Variants in BPTF observed in about 807,000 individuals in gnomAD.
BPTF encodes the protein bromodomain PHD finger transcription factor.
In BPTF, 18 loss-of-function variants were observed where a neutral mutation model predicts 292.5. The ratio of observed to expected loss-of-function variants is 0.06; its 90% CI spans 0.04 to 0.09. The LOEUF (loss-of-function observed/expected upper bound fraction) is 0.09, where lower values mean the gene tolerates loss of function less well. Among genes scored for constraint, BPTF ranks in the 10% least tolerant of loss-of-function variants. The pLI is 1.00. For missense variants in BPTF, 2,726 were observed against 3,498.7 expected (o/e 0.78, Z 5.57); for synonymous variants, 1,225 against 1,251.9 (o/e 0.98, Z 0.45).
chr17:67,951,462 A>G (rs782528228), intron 23 of BPTF: 1 of 152,164 alleles, frequency 6.6e-6, no homozygotes, highest in Non-Finnish European at 1.5e-5. Context: ...GGCCTCTTGA[A>G]CAAGCCAGTT....
chr17:67,865,304 T>C (rs1004029299), intron 2 of BPTF, among the ~76,000 whole-genome samples: 7 of 152,244 alleles, frequency 4.6e-5, no homozygotes, highest in Non-Finnish European at 1.5e-5. Context: ...GAATGACTTA[T>C]TCCTGGAATG....
intron 9 of BPTF, 59 bp from the exon 10 acceptor site, chr17:67,909,523 A>C (rs1187629752): frequency 1.8e-6 from 2 of 1,096,626 alleles, no homozygotes; most frequent in Non-Finnish European, 1.3e-6. Context: ...TAAACTTGAC[A>C]TATTAAAGTG....
At chr17:67,937,330 G>A (rs1299615525) in intron 18 of BPTF, among the ~76,000 whole-genome samples, 1 of 151,456 alleles carries the variant, frequency 6.6e-6, no homozygotes, top group Non-Finnish European at 1.5e-5. Context: ...CATGGTTGGT[G>A]CCTGTAATCC....
chr17:67,858,348 T>C (rs1380431005), intron 2 of BPTF, among the ~76,000 whole-genome samples: 14 of 152,350 alleles, frequency 9.2e-5, no homozygotes, highest in Admixed American at 1.3e-4. Flanking sequence ...TTTGACATTT[T>C]GCTGTTGAGG....
chr17:67,844,128 G>A (rs62084212), intron 1 of BPTF, among the ~76,000 whole-genome samples: 26,885 of 139,188 alleles, frequency 0.19, 3,397 homozygotes, highest in East Asian at 0.65. Context: ...CACCCAGGCC[G>A]GAGTGCAGTG....
chr17:67,973,104 G>C (rs1312535553), intron 26 of BPTF, among the ~76,000 whole-genome samples: 2 of 147,256 alleles, frequency 1.4e-5, no homozygotes, highest in Non-Finnish European at 3.0e-5. Flanking sequence ...GCCAGGCACG[G>C]TGGCTCACGC....
At chr17:67,958,098 G>A (rs554357803) in intron 23 of BPTF, among the ~76,000 whole-genome samples, 17 of 152,250 alleles carry the variant, frequency 1.1e-4, no homozygotes, top group Admixed American at 6.5e-4. Flanking sequence ...TTGGAAGGCC[G>A]AGGCAGGTCA....
chr17:67,901,908 AG>A (rs2061871158), intron 7 of BPTF, among the ~76,000 whole-genome samples: 1 of 152,226 alleles, frequency 6.6e-6, no homozygotes, highest in Admixed American at 6.5e-5. Context: ...AGGTTTACCA[AG>A]AAAGACATAA....
intron 4 of BPTF, among the ~76,000 whole-genome samples, chr17:67,877,122 G>T (rs958618478): frequency 6.6e-6 from 1 of 152,200 alleles, no homozygotes; most frequent in African/African-American, 2.4e-5. Flanking sequence ...TGGTACTTTT[G>T]TAAAGTAGAT....
At chr17:67,886,720 A>AT (rs1443726404) in intron 4 of BPTF, among the ~76,000 whole-genome samples, 1 of 152,164 alleles carries the variant, frequency 6.6e-6, no homozygotes, top group Non-Finnish European at 1.5e-5. Context: ...GTTTTTTGAA[A>AT]TATAAACAGG....
chr17:67,877,204 C>T (rs1182355504), intron 4 of BPTF, among the ~76,000 whole-genome samples: 1 of 152,176 alleles, frequency 6.6e-6, no homozygotes, highest in Non-Finnish European at 1.5e-5. Context: ...TAGATAAGGT[C>T]TGGGCCCTTG....
chr17:67,826,268 G>A lies in BPTF; in HGVS notation c.544G>A (p.Asp182Asn), dbSNP rs779918027. The A allele has an allele frequency of 6.2e-7, 1 of 1,610,978 alleles. No homozygotes were observed. The highest frequency in any genetic ancestry group is 1.3e-5 in the African/African-American group (1 of 74,716). The change falls in exon 1 of 28, where the codon GAC becomes AAC. Residue 182 changes from aspartate (D) to asparagine (N), a missense_variant. Coordinates refer to ENST00000306378, the MANE Select transcript of BPTF (RefSeq NM_182641.4). ...DSDYPEEMED[D>N]DDDASYCTES... The stretch of plus-strand genomic sequence containing the variant: ...CGATTATCCGGAGGAGATGGAAGAC[G>A]ACGACGACGACGCCAGTTACTGCAC...
intron 1 of BPTF, among the ~76,000 whole-genome samples, chr17:67,839,064 A>G (rs921629650): frequency 6.6e-6 from 1 of 152,088 alleles, no homozygotes; most frequent in Non-Finnish European, 1.5e-5. Flanking sequence ...TGATTTTCTT[A>G]CATTTGTATC....
At chr17:67,937,494 G>C (rs1406457511) in intron 18 of BPTF, among the ~76,000 whole-genome samples, 1 of 152,146 alleles carries the variant, frequency 6.6e-6, no homozygotes, top group Non-Finnish European at 1.5e-5. Context: ...AGGAAGGATG[G>C]CCTGAGAAGG....
At chr17:67,848,903 T>G (rs2058218648) in intron 1 of BPTF, among the ~76,000 whole-genome samples, 1 of 152,200 alleles carries the variant, frequency 6.6e-6, no homozygotes, top group Admixed American at 6.5e-5. Flanking sequence ...TGCTGGAAAT[T>G]CATTGACAAA....
Position 67,836,122 on chromosome 17 carries a change from A to T in BPTF, c.613+9785A>T, listed in dbSNP as rs141311583. ...GCTGATATGCAAACTGAATTGCGAGATGTTAGTATGTCCTAGTGTGTCTGG... is the reference window on the plus strand; with the variant it reads ...GCTGATATGCAAACTGAATTGCGAGTTGTTAGTATGTCCTAGTGTGTCTGG... On this transcript the variant is annotated intron_variant, in intron 1 of 27. Coordinates refer to ENST00000306378, the MANE Select transcript of BPTF (RefSeq NM_182641.4). Among the ~76,000 whole-genome samples the T allele has an allele frequency of 2.1e-3, 315 of 152,328 alleles. 3 individuals carry two copies. Among genetic ancestry groups the T allele is most frequent in the African/African-American group, 7.3e-3 (303 of 41,568 alleles).
intron 9 of BPTF, among the ~76,000 whole-genome samples, chr17:67,908,944 C>T (rs2062446595): frequency 6.7e-6 from 1 of 150,060 alleles, no homozygotes; most frequent in African/African-American, 2.5e-5. Flanking sequence ...AAGCAATTCT[C>T]CTGCCTCAGC....
intron 26 of BPTF, among the ~76,000 whole-genome samples, chr17:67,971,946 A>C (rs375264910): frequency 1.2e-4 from 18 of 151,540 alleles, no homozygotes; most frequent in African/African-American, 4.1e-4. Context: ...GAGTATTATC[A>C]CTCTTTTGAG....
intron 4 of BPTF, among the ~76,000 whole-genome samples, chr17:67,884,947 A>G (rs915309142): frequency 2.0e-5 from 3 of 151,806 alleles, no homozygotes; most frequent in African/African-American, 7.3e-5. Flanking sequence ...ATATAGTTTT[A>G]TTTTACATTT....
Sources: allele counts gnomAD v4.1 joint callset (sites outside exome capture counted in the v4.1 genomes callset), GRCh38; gene constraint gnomAD v4.1.1; transcripts MANE v1.5; gene names NCBI Gene and HGNC (gene_info 2026-07-23, HGNC 2026-07-21).